The following RNF220 variants were observed in gnomAD, a reference collection of about 807,000 sequenced individuals.
RNF220 encodes the protein ring finger protein 220, also known as E3 ubiquitin-protein ligase RNF220.
RNF220 carries 7 observed loss-of-function variants against 67.1 expected under a neutral mutation model. The ratio of observed to expected loss-of-function variants is 0.10; its 90% confidence interval spans 0.06 to 0.20. RNF220 has a LOEUF of 0.20. RNF220 is among the 10% of genes least tolerant of loss of function. RNF220 has a pLI of 1.00. For synonymous variants in RNF220, 270 were observed against 283.2 expected, an observed-to-expected ratio of 0.95 and a Z score of 0.47; for missense variants, 565 against 740.3, an observed-to-expected ratio of 0.76 and a Z score of 2.75.
intron 2 of RNF220, among the ~76,000 whole-genome samples, chr1:44,499,549 CT>C (rs1161488399): frequency 6.6e-6 from 1 of 152,144 alleles, no homozygotes; most frequent in Non-Finnish European, 1.5e-5. Flanking sequence ...GCTTGTTCCT[CT>C]TGCTGGTTCC....
intron 2 of RNF220, among the ~76,000 whole-genome samples, chr1:44,540,201 A>C (rs892290205): frequency 9.2e-5 from 14 of 152,170 alleles, no homozygotes; most frequent in African/African-American, 3.4e-4. Flanking sequence ...CACTGCCCAC[A>C]TCTCTTCCCC....
intron 2 of RNF220, among the ~76,000 whole-genome samples, chr1:44,432,339 C>T (rs970916783): frequency 2.8e-5 from 4 of 144,818 alleles, no homozygotes; most frequent in Admixed American, 6.9e-5. Flanking sequence ...GGCGCGATCT[C>T]GGCTCACTGC....
chr1:44,573,977 G>A (rs1397934972), intron 2 of RNF220, among the ~76,000 whole-genome samples: 1 of 152,146 alleles, frequency 6.6e-6, no homozygotes, highest in African/African-American at 2.4e-5. Context: ...TATGAGCTGG[G>A]CGTGGTGGTG....
rs1647236257 is a variant in RNF220 at position 44,405,374 on chromosome 1, C to CCTA, written c.-271_-269dup. The CCTA allele has an allele frequency of 1.7e-6, 1 of 578,802 alleles. No homozygotes were observed. The highest frequency in any genetic ancestry group is 3.1e-6 in the Non-Finnish European group (1 of 319,178). 35.9% of individuals were successfully genotyped at this position (578,802 alleles called of 1,614,324 possible). On this transcript the variant is annotated 5_prime_UTR_variant, in exon 1 of 15. Transcript: ENST00000361799. ...GCGAACACAAACCCGGGGCCAGCCG[C>CCTA]CTACTGCTGCTGCTGCTGCTGCCGC... is the stretch of plus-strand genomic sequence containing the variant.
intron 2 of RNF220, among the ~76,000 whole-genome samples, chr1:44,579,895 G>A (rs560911335): frequency 6.6e-6 from 1 of 151,830 alleles, no homozygotes; most frequent in Non-Finnish European, 1.5e-5. Flanking sequence ...GCCAGGTGTG[G>A]TGGCGTGCAT....
chr1:44,497,905 C>T (rs957611103), intron 2 of RNF220, among the ~76,000 whole-genome samples: 25 of 152,292 alleles, frequency 1.6e-4, no homozygotes, highest in African/African-American at 4.8e-4. Flanking sequence ...TCTGAACTCC[C>T]GAGGGATCTG....
intron 12 of RNF220, chr1:44,648,183 A>T (rs964154646): frequency 6.6e-6 from 1 of 152,198 alleles, no homozygotes; most frequent in African/African-American, 2.4e-5. Context: ...TTGATCATGG[A>T]ATCAGTCTGC....
intron 2 of RNF220, among the ~76,000 whole-genome samples, chr1:44,562,086 A>T (rs1663614300): frequency 6.6e-6 from 1 of 152,210 alleles, no homozygotes; most frequent in Non-Finnish European, 1.5e-5. Context: ...CCACCTCAGC[A>T]GCAGTGCAGA....
intron 2 of RNF220, among the ~76,000 whole-genome samples, chr1:44,459,212 T>C (rs1335446103): frequency 6.6e-6 from 1 of 152,158 alleles, no homozygotes; most frequent in Non-Finnish European, 1.5e-5. Context: ...AAGGTTTTTC[T>C]AAAAATATGT....
chr1:44,445,504 T>C (rs1651984596), intron 2 of RNF220, among the ~76,000 whole-genome samples: 1 of 152,170 alleles, frequency 6.6e-6, no homozygotes, highest in Non-Finnish European at 1.5e-5. Context: ...TGCTAGATCC[T>C]CTCAACTCCC....
intron 2 of RNF220, among the ~76,000 whole-genome samples, chr1:44,440,923 G>C (rs1041570804): frequency 3.3e-5 from 5 of 152,306 alleles, no homozygotes; most frequent in Non-Finnish European, 5.9e-5. Context: ...ACATTAGCCA[G>C]ATTCAAGGAT....
Position 44,505,709 on chromosome 1 carries a change from T to C in RNF220, c.625+92987T>C, listed in dbSNP as rs568472271. Among the ~76,000 whole-genome samples, 5 of 152,344 alleles carry C rather than the reference T, an allele frequency of 3.3e-5. No homozygotes were observed. The South Asian group carries it at 8.3e-4, about 25-fold the overall frequency. On this transcript the variant is annotated intron_variant, in intron 2 of 14. Coordinates refer to ENST00000361799, the MANE Select transcript of RNF220 (RefSeq NM_018150.4). Reference sequence around the variant, plus strand: ...GCGATAATTGCTTCACTGCTGAGTGTTGGTCTTTATTTTGTGTCTGATTTG... The same window carrying C: ...GCGATAATTGCTTCACTGCTGAGTGCTGGTCTTTATTTTGTGTCTGATTTG...
chr1:44,524,509 G>A (rs1030320384), intron 2 of RNF220, among the ~76,000 whole-genome samples: 2 of 152,194 alleles, frequency 1.3e-5, no homozygotes, highest in Admixed American at 1.3e-4. Context: ...TCCCAGCTTC[G>A]TGTTGGAACT....
At chr1:44,615,644 C>T (rs577409097) in intron 3 of RNF220, among the ~76,000 whole-genome samples, 1 of 152,220 alleles carries the variant, frequency 6.6e-6, no homozygotes, top group East Asian at 1.9e-4. Context: ...TCAGGCAGTA[C>T]AAACCCAGAG....
intron 2 of RNF220, among the ~76,000 whole-genome samples, chr1:44,524,227 G>A (rs1165114160): frequency 6.6e-6 from 1 of 152,100 alleles, no homozygotes; most frequent in Non-Finnish European, 1.5e-5. Flanking sequence ...GTGACAGCCC[G>A]GGCCCTCTCT....
At chr1:44,484,528 CAT>C (rs1380092321) in intron 2 of RNF220, among the ~76,000 whole-genome samples, 1 of 152,114 alleles carries the variant, frequency 6.6e-6, no homozygotes, top group Non-Finnish European at 1.5e-5. Flanking sequence ...TGTCTGGAGA[CAT>C]AGCACGTACT....
At chr1:44,439,436 T>G (rs1651329984) in intron 2 of RNF220, among the ~76,000 whole-genome samples, 1 of 152,078 alleles carries the variant, frequency 6.6e-6, no homozygotes, top group Non-Finnish European at 1.5e-5. Context: ...ATATTAATCT[T>G]TTTTAATCTA....
intron 2 of RNF220, among the ~76,000 whole-genome samples, chr1:44,482,390 T>C (rs1655899470): frequency 6.6e-6 from 1 of 152,006 alleles, no homozygotes; most frequent in African/African-American, 2.4e-5. Flanking sequence ...TTGAAGGAAG[T>C]GGGGAGAGAA....
At chr1:44,432,322 G>T (rs956817917) in intron 2 of RNF220, among the ~76,000 whole-genome samples, 5 of 152,026 alleles carry the variant, frequency 3.3e-5, no homozygotes. Context: ...CCAGGCTGGA[G>T]TGCAATGGCG....
Sources: allele counts gnomAD v4.1 joint callset (sites outside exome capture counted in the v4.1 genomes callset), GRCh38; gene constraint gnomAD v4.1.1; transcripts MANE v1.5; gene names NCBI Gene and HGNC (gene_info 2026-07-23, HGNC 2026-07-21).